The following SLIT2 variants were observed in gnomAD, a reference collection of about 807,000 sequenced individuals.
SLIT2 encodes slit guidance ligand 2, also known as slit homolog 2 protein.
A neutral mutation model predicts 185.7 loss-of-function variants in SLIT2; 41 were observed. The observed-to-expected ratio is 0.22, with a 90% CI of 0.17 to 0.29. The LOEUF (loss-of-function observed/expected upper bound fraction) is 0.29, where lower values mean the gene tolerates loss of function less well. SLIT2 is among the 10% of genes least tolerant of loss of function. The pLI is 1.00. For synonymous variants in SLIT2, 693 were observed against 680.2 expected, an observed-to-expected ratio of 1.02 and a Z score of -0.29; for missense variants, 1,571 against 1,909.0, an observed-to-expected ratio of 0.82 and a Z score of 3.30.
chr4:20,368,219 C>CAAAAAAAAAAAAAAAAAG (rs71653879), intron 4 of SLIT2, among the ~76,000 whole-genome samples: 1 of 107,430 alleles, frequency 9.3e-6, no homozygotes, highest in African/African-American at 3.8e-5. Context: ...CACAAAATAG[C>CAAAAAAAAAAAAAAAAAG]AAAAAAAAAA....
intron 4 of SLIT2, among the ~76,000 whole-genome samples, chr4:20,434,696 C>T (rs1264414076): frequency 1.3e-5 from 2 of 151,968 alleles, no homozygotes; most frequent in African/African-American, 2.4e-5. Flanking sequence ...TAAGTGGAAA[C>T]GTAGGTAGAT....
chr4:20,618,645 A>G, intron 36 of SLIT2, 123 bp from the exon 37 acceptor site: 1 of 978,142 alleles, frequency 1.0e-6, no homozygotes, highest in Non-Finnish European at 1.5e-6. Flanking sequence ...ACCAGCTAAT[A>G]ATATGTAAAG....
chr4:20,414,885 A>C (rs771559330), intron 4 of SLIT2, among the ~76,000 whole-genome samples: 1 of 151,988 alleles, frequency 6.6e-6, no homozygotes, highest in Non-Finnish European at 1.5e-5. Flanking sequence ...GAGTTTGTTG[A>C]GCTTCTTGGA....
chr4:20,376,244 G>A (rs1218376813), intron 4 of SLIT2, among the ~76,000 whole-genome samples: 1 of 149,658 alleles, frequency 6.7e-6, no homozygotes, highest in African/African-American at 2.5e-5. Flanking sequence ...GGACCTCTGG[G>A]AACTCCACTG....
In SLIT2 at chr4:20,256,667, CTT is replaced by C; in HGVS notation, c.180-4_180-3del. ...GGAACTTTCACTTTCTGGTTTTTCT[CTT>C]AGGGATTTAAATGGAAATAACATCA... On this transcript the variant is annotated splice_polypyrimidine_tract_variant and splice_region_variant and intron_variant, in intron 1 of 36. Transcript: ENST00000504154. 6.6e-7 allele frequency: 1 copy of C among 1,514,982 alleles called. No homozygotes were observed. The highest frequency in any genetic ancestry group is 1.4e-5 in the African/African-American group (1 of 72,228). 93.8% of individuals were successfully genotyped at this position (1,514,982 alleles called of 1,614,324 possible). A position where few individuals can be genotyped will look rare whatever the true frequency, so the allele number is the denominator to read the frequency against.
At chr4:20,261,904 T>C (rs1712517758) in intron 3 of SLIT2, among the ~76,000 whole-genome samples, 1 of 151,788 alleles carries the variant, frequency 6.6e-6, no homozygotes, top group Non-Finnish European at 1.5e-5. Flanking sequence ...TTGGTAAATG[T>C]GTGCTTTTAA....
intron 4 of SLIT2, among the ~76,000 whole-genome samples, chr4:20,347,159 G>A (rs575092686): frequency 4.2e-4 from 64 of 152,278 alleles, no homozygotes; most frequent in Admixed American, 7.8e-4. Flanking sequence ...AAAAGGAAGC[G>A]GATTGGCACT....
intron 4 of SLIT2, among the ~76,000 whole-genome samples, chr4:20,351,052 CTT>C (rs71181559): frequency 4.2e-5 from 6 of 143,132 alleles, no homozygotes; most frequent in Admixed American, 1.4e-4. Flanking sequence ...TTCTTTTTTT[CTT>C]TTTTTTTTTT....
At chr4:20,525,784 T>G (rs1721234728) in intron 15 of SLIT2, among the ~76,000 whole-genome samples, 2 of 152,130 alleles carry the variant, frequency 1.3e-5, no homozygotes, top group Admixed American at 1.3e-4. Flanking sequence ...ACAATATAAC[T>G]CCATAAAAAA....
chr4:20,617,552 A>G lies in SLIT2; in HGVS notation c.4250A>G (p.Gln1417Arg), dbSNP rs1729767316. 4 of 1,613,998 alleles carry G rather than the reference A, an allele frequency of 2.5e-6. No homozygotes were observed. In the East Asian group the frequency reaches 8.9e-5, roughly 36 times the overall value. Reference sequence around the variant, plus strand: ...GAGGAGGATCTGTTTAACCCATGCCAGGCGATCAAGTGCAAGCATGGGAAG... The same window carrying G: ...GAGGAGGATCTGTTTAACCCATGCCGGGCGATCAAGTGCAAGCATGGGAAG... The part of the protein sequence containing the change: ...DEEEDLFNPC[Q>R]AIKCKHGKCR... Residue 1417 changes from glutamine to arginine, a missense_variant, in exon 36 of 37, where the codon CAG (glutamine) becomes CGG (arginine). This residue lies in a region of SLIT2 where 223 missense variants were observed against 245.2 expected (regional missense o/e 0.91). Coordinates refer to ENST00000504154, the MANE Select transcript of SLIT2 (RefSeq NM_004787.4).
intron 33 of SLIT2, among the ~76,000 whole-genome samples, chr4:20,605,540 T>C (rs1578011865): frequency 6.6e-6 from 1 of 151,854 alleles, no homozygotes; most frequent in African/African-American, 2.4e-5. Context: ...CCCTAGGGAG[T>C]GGTGAAAGAG....
intron 5 of SLIT2, among the ~76,000 whole-genome samples, chr4:20,472,502 C>CTATA (rs1491523426): frequency 4.9e-4 from 5 of 10,278 alleles, no homozygotes; most frequent in African/African-American, 1.8e-3. Context: ...AGATATATAT[C>CTATA]TATATATAGA....
At chr4:20,361,170 C>T (rs1010708918) in intron 4 of SLIT2, among the ~76,000 whole-genome samples, 2 of 152,002 alleles carry the variant, frequency 1.3e-5, no homozygotes, top group African/African-American at 2.4e-5. Flanking sequence ...GGTTTTCAAA[C>T]GATATCCTAA....
chr4:20,431,291 A>T (rs1373638311), intron 4 of SLIT2, among the ~76,000 whole-genome samples: 1 of 152,228 alleles, frequency 6.6e-6, no homozygotes, highest in African/African-American at 2.4e-5. Context: ...CTTTTTTGGA[A>T]GGGGATGGAG....
chr4:20,491,537 C>G (rs1048676988), intron 8 of SLIT2, among the ~76,000 whole-genome samples: 2 of 152,046 alleles, frequency 1.3e-5, no homozygotes, highest in Admixed American at 6.6e-5. Flanking sequence ...AGTCTTATGA[C>G]CAGTTTTTAG....
chr4:20,338,222 T>C (rs1577458288), intron 4 of SLIT2, among the ~76,000 whole-genome samples: 5 of 152,316 alleles, frequency 3.3e-5, no homozygotes, highest in Admixed American at 3.3e-4. Context: ...TGTGTTAGAA[T>C]TACAGAGGAT....
At chr4:20,548,411 A>G in intron 22 of SLIT2, 77 bp from the exon 23 acceptor site, 6 of 755,146 alleles carry the variant, frequency 7.9e-6, no homozygotes, top group South Asian at 6.2e-5. Flanking sequence ...CTATAAGAAG[A>G]CCCTTCTCCT....
At chr4:20,423,780 T>C (rs914819483) in intron 4 of SLIT2, among the ~76,000 whole-genome samples, 5 of 152,190 alleles carry the variant, frequency 3.3e-5, no homozygotes, top group Non-Finnish European at 5.9e-5. Flanking sequence ...ATTATCTTTA[T>C]GAGTAAGGAA....
At chr4:20,505,822 A>G (rs1329360426) in intron 9 of SLIT2, among the ~76,000 whole-genome samples, 2 of 152,014 alleles carry the variant, frequency 1.3e-5, no homozygotes, top group East Asian at 3.8e-4. Flanking sequence ...AACGTGTTAT[A>G]TATTGTTGGT....
Sources: allele counts gnomAD v4.1 joint callset (sites outside exome capture counted in the v4.1 genomes callset), GRCh38; gene constraint gnomAD v4.1.1; regional missense constraint gnomAD v4.1.1; transcripts MANE v1.5; gene names NCBI Gene and HGNC (gene_info 2026-07-23, HGNC 2026-07-21).